The following WDR41 variants were observed in gnomAD, a reference collection of about 807,000 sequenced individuals.
WDR41 encodes the protein WD repeat-containing protein 41.
Under a neutral mutation model 69.3 loss-of-function variants are expected in WDR41, and 63 were observed. The observed-to-expected ratio is 0.91, with a 90% CI of 0.74 to 1.12. WDR41 has a LOEUF of 1.12. WDR41 is among the 50% of genes most tolerant of loss of function. The pLI, the probability that WDR41 is intolerant of heterozygous loss-of-function variation, is 0.00. For missense variants in WDR41, 543 were observed against 534.5 expected (o/e 1.02, Z -0.16); for synonymous variants, 185 against 192.1 (o/e 0.96, Z 0.31).
At chr5:77,525,352 C>T (rs956832382) in intron 1 of WDR41, among the ~76,000 whole-genome samples, 1 of 152,048 alleles carries the variant, frequency 6.6e-6, no homozygotes, top group African/African-American at 2.4e-5. Context: ...TTGTATGCCC[C>T]TTCACATGCC....
chr5:77,496,562 G>T (rs988633201), upstream of WDR41, among the ~76,000 whole-genome samples: 3 of 152,000 alleles, frequency 2.0e-5, no homozygotes, highest in Non-Finnish European at 1.5e-5. Context: ...AACCCTGGAG[G>T]TGAAAGACTT....
chr5:77,508,951 G>T (rs930302456), intron 1 of WDR41, among the ~76,000 whole-genome samples: 6 of 152,242 alleles, frequency 3.9e-5, no homozygotes, highest in African/African-American at 1.4e-4. Flanking sequence ...TCCATTAATT[G>T]CTGGCTGATT....
At chr5:77,541,358 A>G (rs932404162) in intron 1 of WDR41, among the ~76,000 whole-genome samples, 4 of 152,002 alleles carry the variant, frequency 2.6e-5, no homozygotes, top group African/African-American at 9.7e-5. Context: ...AAAAAGCTCA[A>G]TATCACTGAT....
At position 77,463,147 on chromosome 5, in the gene WDR41, C is replaced by A. The variant is rs1800146221; in HGVS notation, c.296G>T (p.Cys99Phe). 1.2e-6 allele frequency: 2 copies of A among 1,612,340 alleles called. No individual in the cohort carries two copies. The highest frequency in any genetic ancestry group is 2.7e-5 in the African/African-American group (2 of 74,806). The change falls in exon 4 of 13, where the codon TGT (cysteine) becomes TTT (phenylalanine). Residue 99 changes from cysteine to phenylalanine, a missense_variant. Transcript: ENST00000296679. ...CAAGATGAGTTGATTTTTCTCTTCACAAGATTCCAAGGAAGGAAATGTAAT... is the reference window on the plus strand; with the variant it reads ...CAAGATGAGTTGATTTTTCTCTTCAAAAGATTCCAAGGAAGGAAATGTAAT... Reference protein sequence around the residue: ...AIITFPSLESCEEKNQLILTA... With the variant: ...AIITFPSLESFEEKNQLILTA...
chr5:77,559,851 T>A (rs1201707089), intron 1 of WDR41, among the ~76,000 whole-genome samples: 2 of 152,120 alleles, frequency 1.3e-5, no homozygotes, highest in East Asian at 3.9e-4. Context: ...CAGAATTACC[T>A]CTTGGTCCAG....
intron 2 of WDR41, among the ~76,000 whole-genome samples, chr5:77,466,151 C>A (rs1007136875): frequency 2.0e-5 from 3 of 151,324 alleles, no homozygotes; most frequent in Non-Finnish European, 4.4e-5. Flanking sequence ...AGGTAACTAG[C>A]TAAAAATCAC....
chr5:77,616,375 A>G (rs893395477), intron 1 of WDR41, among the ~76,000 whole-genome samples: 1 of 152,238 alleles, frequency 6.6e-6, no homozygotes, highest in Non-Finnish European at 1.5e-5. Context: ...ATCTGCATAC[A>G]GAATCCACAA....
In WDR41 at chr5:77,551,387, T is replaced by G. The variant is rs186173724; in HGVS notation, c.43-61815A>C. ...AAGTAAAAATAATATAGCATAAAAT[T>G]TCCTTACTAGCTGGGTGTGGTGGCT... is the stretch of plus-strand genomic sequence containing the variant. On this transcript the variant is annotated intron_variant, in intron 1 of 5. Transcript: ENST00000509971. 5.8e-4 allele frequency among the ~76,000 whole-genome samples: 89 copies of G among 152,312 alleles called. 1 individual carries two copies. The highest frequency in any genetic ancestry group is 5.1e-3 in the Admixed American group (78 of 15,296).
chr5:77,495,015 A>T (rs1801916493), upstream of WDR41, among the ~76,000 whole-genome samples: 1 of 152,178 alleles, frequency 6.6e-6, no homozygotes, highest in Admixed American at 6.5e-5. Context: ...AATGTGTTGA[A>T]ATTAAGCAAA....
At chr5:77,608,946 C>T (rs1187852597) in intron 1 of WDR41, among the ~76,000 whole-genome samples, 2 of 152,200 alleles carry the variant, frequency 1.3e-5, no homozygotes. Flanking sequence ...GGGTCACTCC[C>T]ACCCGAATAC....
chr5:77,435,781 C>A lies in WDR41; in HGVS notation c.1227+480G>T, dbSNP rs181337737. On this transcript the variant is annotated intron_variant, in intron 12 of 12. Transcript: ENST00000296679. ...TTTCATAATTTTCAACTAAAACTTT[C>A]ATATTTGCACAATGAAAATCAAGGC... 3.1e-3 allele frequency among the ~76,000 whole-genome samples: 466 copies of A among 152,316 alleles called. 1 individual carries two copies. The highest frequency in any genetic ancestry group is 0.011 in the African/African-American group (444 of 41,558).
chr5:77,475,784 G>A (rs939740436), intron 2 of WDR41, among the ~76,000 whole-genome samples: 61 of 152,290 alleles, frequency 4.0e-4, no homozygotes, highest in African/African-American at 1.2e-3. Context: ...CCAAAGGAAC[G>A]CAGTTCCTCA....
At chr5:77,594,791 C>T (rs1449426614) in intron 1 of WDR41, among the ~76,000 whole-genome samples, 5 of 152,168 alleles carry the variant, frequency 3.3e-5, no homozygotes, top group African/African-American at 9.7e-5. Flanking sequence ...ATGCAGCCTG[C>T]ATTATGCGGA....
intron 8 of WDR41, among the ~76,000 whole-genome samples, chr5:77,445,523 C>T (rs1273433364): frequency 6.6e-6 from 1 of 152,164 alleles, no homozygotes; most frequent in Non-Finnish European, 1.5e-5. Context: ...CGAAAATCCT[C>T]AATAAAATAC....
At chr5:77,545,683 G>A (rs1179257922) in intron 1 of WDR41, 1 of 453,280 alleles carries the variant, frequency 2.2e-6, no homozygotes, top group African/African-American at 2.1e-5. Flanking sequence ...TCTCAAGGAT[G>A]AGGTTTTAAA....
chr5:77,511,339 T>C (rs1440588620), intron 1 of WDR41, among the ~76,000 whole-genome samples: 1 of 152,188 alleles, frequency 6.6e-6, no homozygotes, highest in African/African-American at 2.4e-5. Flanking sequence ...TTCCTACTAA[T>C]GAGTTTGTTG....
chr5:77,480,201 T>G (rs375553197), intron 2 of WDR41: 2 of 152,250 alleles, frequency 1.3e-5, no homozygotes, highest in Non-Finnish European at 2.9e-5. Context: ...TGTGGGGAAA[T>G]AGAAACACTT....
intron 8 of WDR41, among the ~76,000 whole-genome samples, chr5:77,441,414 TG>T (rs931500862): frequency 3.3e-5 from 5 of 151,772 alleles, no homozygotes; most frequent in African/African-American, 1.2e-4. Context: ...GGAAGCAGAG[TG>T]GGGTGCCAGG....
chr5:77,474,958 T>C (rs1189426268), intron 2 of WDR41, among the ~76,000 whole-genome samples: 7 of 152,130 alleles, frequency 4.6e-5, no homozygotes, highest in Non-Finnish European at 1.0e-4. Context: ...AGTGGGTGCG[T>C]GCACCGTGCG....
Sources: gnomAD v4.1 joint callset for allele counts (sites outside exome capture counted in the v4.1 genomes callset) on GRCh38, gnomAD v4.1.1 for gene constraint, MANE v1.5 for transcripts, NCBI Gene and HGNC (gene_info 2026-07-23, HGNC 2026-07-21) for gene names.